Variants in FOXP1 observed in about 807,000 individuals in gnomAD.
The protein encoded by FOXP1 is forkhead box protein P1.
Under a neutral mutation model 98.2 loss-of-function variants are expected in FOXP1, and 15 were observed. That is an observed-to-expected ratio of 0.15 (90% CI 0.10 to 0.24). The LOEUF (loss-of-function observed/expected upper bound fraction) is 0.24. Ranked by LOEUF, FOXP1 falls within the 10% of genes least tolerant of loss-of-function variation. The probability of loss-of-function intolerance (pLI) is 1.00; values close to 1 mark genes in which losing one functional copy is unlikely to be tolerated. For synonymous variants in FOXP1, 371 were observed against 314.5 expected, an observed-to-expected ratio of 1.18 and a Z score of -1.90; for missense variants, 633 against 848.5, an observed-to-expected ratio of 0.75 and a Z score of 3.15.
At chr3:71,163,241 A>C (rs919048675) in intron 6 of FOXP1, among the ~76,000 whole-genome samples, 1 of 152,220 alleles carries the variant, frequency 6.6e-6, no homozygotes, top group Non-Finnish European at 1.5e-5. Flanking sequence ...TGAGGTGCCA[A>C]TGATTTATAG....
At chr3:71,235,435 G>A (rs1046332354) in intron 5 of FOXP1, among the ~76,000 whole-genome samples, 10 of 152,158 alleles carry the variant, frequency 6.6e-5, no homozygotes, top group African/African-American at 1.9e-4. Flanking sequence ...TGACATCTTC[G>A]GTTGAAGCTA....
chr3:71,178,699 T>C (rs1170723332), intron 6 of FOXP1, among the ~76,000 whole-genome samples: 2 of 151,424 alleles, frequency 1.3e-5, no homozygotes, highest in African/African-American at 4.9e-5. Flanking sequence ...CTGGCTAACA[T>C]GGTGAAACCC....
chr3:71,130,393 TG>T, intron 6 of FOXP1: 1 of 1,131,350 alleles, frequency 8.8e-7, no homozygotes, highest in African/African-American at 1.5e-5. Context: ...GTAAACAAGT[TG>T]GATCACCTTA....
intron 3 of FOXP1, among the ~76,000 whole-genome samples, chr3:71,403,599 A>C (rs1403250993): frequency 6.6e-6 from 1 of 152,246 alleles, no homozygotes; most frequent in South Asian, 2.1e-4. Flanking sequence ...CTGTGATCCC[A>C]ATACTTTGGG....
At chr3:71,343,316 AT>A (rs776911887) in intron 4 of FOXP1, among the ~76,000 whole-genome samples, 1 of 151,818 alleles carries the variant, frequency 6.6e-6, no homozygotes, top group Non-Finnish European at 1.5e-5. Context: ...GCATACATTG[AT>A]TTTTTTTTCT....
chr3:70,980,942 A>G (rs2038728048), intron 14 of FOXP1, among the ~76,000 whole-genome samples: 1 of 152,202 alleles, frequency 6.6e-6, no homozygotes. Context: ...GAAAGATGCA[A>G]TGAAAATTAC....
At chr3:71,551,861 C>A (rs1374218844) in intron 2 of FOXP1, among the ~76,000 whole-genome samples, 2 of 152,164 alleles carry the variant, frequency 1.3e-5, no homozygotes, top group African/African-American at 4.8e-5. Flanking sequence ...ACTATTAAAG[C>A]AAATTCCCTT....
intron 2 of FOXP1, among the ~76,000 whole-genome samples, chr3:71,548,879 T>C (rs983212848): frequency 6.6e-6 from 1 of 152,234 alleles, no homozygotes; most frequent in Middle Eastern, 3.2e-3. Flanking sequence ...ATTTTGTTTA[T>C]ACTGTATTGA....
At chr3:71,276,955 C>CTG in intron 5 of FOXP1, among the ~76,000 whole-genome samples, 1 of 129,470 alleles carries the variant, frequency 7.7e-6, no homozygotes, top group African/African-American at 2.9e-5. Context: ...AGTAGATCAA[C>CTG]TTTTTTTTTT....
chr3:71,009,273 A>G (rs1007424193), intron 12 of FOXP1, among the ~76,000 whole-genome samples: 1 of 151,618 alleles, frequency 6.6e-6, no homozygotes, highest in African/African-American at 2.4e-5. Context: ...CCACAAAAGC[A>G]TTCCTCAGCT....
rs543681170 is a variant in FOXP1, at chr3:71,571,114, C to T, written c.-298+10435G>A. On this transcript the variant is annotated intron_variant, in intron 2 of 20. Coordinates refer to ENST00000649528, the MANE Select transcript of FOXP1 (RefSeq NM_001349338.3). ...TAGTAAAACAAGTGCTAAACTCTAT[C>T]CACAGAGAAATGTCTGTTACAGAGA... 11 of 152,280 alleles carry T rather than the reference C, an allele frequency of 7.2e-5. No homozygotes were observed. The East Asian group carries it at 1.9e-3, about 27-fold the overall frequency. The allele number at this position is 152,280 out of a possible 1,614,324, so 9.4% of individuals were successfully genotyped here.
intron 5 of FOXP1, chr3:71,276,218 T>G (rs2070869849): frequency 6.6e-6 from 1 of 152,230 alleles, no homozygotes; most frequent in Non-Finnish European, 1.5e-5. Context: ...GGTTACTTTC[T>G]CTGCATGGTC....
At chr3:71,279,021 G>A (rs1183490561) in intron 5 of FOXP1, among the ~76,000 whole-genome samples, 1 of 151,684 alleles carries the variant, frequency 6.6e-6, no homozygotes, top group Non-Finnish European at 1.5e-5. Flanking sequence ...GCGAAACTGT[G>A]TCTTCTACTA....
chr3:71,430,090 A>G (rs58582492), intron 3 of FOXP1, among the ~76,000 whole-genome samples: 5,885 of 152,254 alleles, frequency 0.039, 369 homozygotes, highest in African/African-American at 0.13. Flanking sequence ...CCTTGCTACA[A>G]TGACCACAAC....
At chr3:71,247,510 A>G (rs1254790155) in intron 5 of FOXP1, among the ~76,000 whole-genome samples, 1 of 152,174 alleles carries the variant, frequency 6.6e-6, no homozygotes, top group Non-Finnish European at 1.5e-5. Context: ...GGAAGAAGAG[A>G]GAGGTGTGCT....
intron 3 of FOXP1, among the ~76,000 whole-genome samples, chr3:71,397,551 A>G (rs2081620554): frequency 6.6e-6 from 1 of 152,246 alleles, no homozygotes; most frequent in Non-Finnish European, 1.5e-5. Flanking sequence ...CAGACTGAAC[A>G]CTGGGAAATA....
intron 6 of FOXP1, among the ~76,000 whole-genome samples, chr3:71,173,383 T>TCACACACA (rs3064895): frequency 0.069 from 9,818 of 143,192 alleles, 392 homozygotes; most frequent in Admixed American, 0.088. Flanking sequence ...AAGAAAAAAT[T>TCACACACA]CACACACACA....
chr3:71,092,531 GT>G (rs2055990487), intron 7 of FOXP1, among the ~76,000 whole-genome samples: 2 of 152,210 alleles, frequency 1.3e-5, no homozygotes, highest in Admixed American at 1.3e-4. Flanking sequence ...AGGCTGGTCT[GT>G]GGAACCGAAG....
intron 2 of FOXP1, among the ~76,000 whole-genome samples, chr3:71,528,729 G>A (rs1365553485): frequency 6.6e-6 from 1 of 152,176 alleles, no homozygotes; most frequent in East Asian, 1.9e-4. Context: ...TGGGAAGAAG[G>A]CATACAAAAC....
Sources: gnomAD v4.1 joint callset for allele counts (sites outside exome capture counted in the v4.1 genomes callset) on GRCh38, gnomAD v4.1.1 for gene constraint, MANE v1.5 for transcripts, NCBI Gene and HGNC (gene_info 2026-07-23, HGNC 2026-07-21) for gene names.